The following KLHL29 variants were observed in gnomAD, a reference collection of about 807,000 sequenced individuals.
KLHL29 encodes the protein kelch like family member 29, also known as kelch-like protein 29.
KLHL29 carries 21 observed loss-of-function variants against 80.4 expected under a neutral mutation model. The observed-to-expected ratio is 0.26, with a 90% CI of 0.19 to 0.38. KLHL29 has a LOEUF of 0.38. KLHL29 is among the 10% of genes least tolerant of loss of function. KLHL29 has a pLI of 1.00. For missense variants in KLHL29, 867 were observed against 1,223.9 expected (o/e 0.71, Z 4.35); for synonymous variants, 511 against 526.8 (o/e 0.97, Z 0.41).
At chr2:23,396,807 A>G (rs1487806912) in intron 1 of KLHL29, among the ~76,000 whole-genome samples, 1 of 152,252 alleles carries the variant, frequency 6.6e-6, no homozygotes, top group Admixed American at 6.5e-5. Context: ...TGTTGTAAAA[A>G]TAAGAAGCAC....
At chr2:23,587,081 C>G (rs554673026) in intron 3 of KLHL29, among the ~76,000 whole-genome samples, 60 of 152,248 alleles carry the variant, frequency 3.9e-4, no homozygotes, top group Non-Finnish European at 7.8e-4. Context: ...GAAGAACAGG[C>G]CTTTCATGTC....
intron 1 of KLHL29, among the ~76,000 whole-genome samples, chr2:23,427,700 T>A (rs1663042322): frequency 6.6e-6 from 1 of 152,238 alleles, no homozygotes; most frequent in Admixed American, 6.5e-5. Flanking sequence ...TGGGGTCTAT[T>A]ATTGACTAAT....
At chr2:23,499,708 T>A (rs1245211113) in intron 2 of KLHL29, among the ~76,000 whole-genome samples, 1 of 152,126 alleles carries the variant, frequency 6.6e-6, no homozygotes, top group Non-Finnish European at 1.5e-5. Context: ...AAGTAAAGCA[T>A]GACTTGGAGA....
chr2:23,521,483 C>T (rs1439567306), intron 2 of KLHL29, among the ~76,000 whole-genome samples: 1 of 152,216 alleles, frequency 6.6e-6, no homozygotes, highest in Non-Finnish European at 1.5e-5. Flanking sequence ...TGCAGCCTGT[C>T]CCCTAGGTCC....
chr2:23,516,761 C>G (rs563551556), intron 2 of KLHL29, among the ~76,000 whole-genome samples: 69 of 152,394 alleles, frequency 4.5e-4, no homozygotes, highest in African/African-American at 1.4e-3. Context: ...GGGCCCTCAT[C>G]CATGCCTGCC....
intron 3 of KLHL29, among the ~76,000 whole-genome samples, chr2:23,616,010 A>C (rs899383182): frequency 6.6e-6 from 1 of 151,946 alleles, no homozygotes; most frequent in Non-Finnish European, 1.5e-5. Flanking sequence ...CCCTCCTCCT[A>C]AGGGACCCAA....
intron 1 of KLHL29, among the ~76,000 whole-genome samples, chr2:23,449,232 A>G (rs1231282679): frequency 6.6e-6 from 1 of 152,122 alleles, no homozygotes; most frequent in African/African-American, 2.4e-5. Context: ...ATGTGTCTGT[A>G]TGGTACAAGG....
intron 2 of KLHL29, among the ~76,000 whole-genome samples, chr2:23,493,633 G>A (rs532034260): frequency 2.7e-5 from 4 of 150,614 alleles, no homozygotes; most frequent in East Asian, 1.9e-4. Flanking sequence ...CGGGGTGGGC[G>A]TGTGTGTGTG....
chr2:23,666,554 T>C (rs541311514), intron 5 of KLHL29, among the ~76,000 whole-genome samples: 5 of 152,332 alleles, frequency 3.3e-5, no homozygotes, highest in African/African-American at 9.6e-5. Context: ...CTTGAAGTTA[T>C]GGAGACCATG....
intron 2 of KLHL29, among the ~76,000 whole-genome samples, chr2:23,481,444 C>T (rs1664795104): frequency 6.6e-6 from 1 of 152,246 alleles, no homozygotes; most frequent in Admixed American, 6.5e-5. Flanking sequence ...TAGAAAGGTT[C>T]CTGCTTTTCT....
intron 3 of KLHL29, among the ~76,000 whole-genome samples, chr2:23,612,993 A>C (rs1400155427): frequency 7.7e-6 from 1 of 130,112 alleles, no homozygotes; most frequent in East Asian, 2.1e-4. Context: ...AGAACAAATG[A>C]AATGAAATTA....
intron 1 of KLHL29, among the ~76,000 whole-genome samples, chr2:23,386,818 G>A (rs1415865438): frequency 6.6e-6 from 1 of 152,076 alleles, no homozygotes; most frequent in African/African-American, 2.4e-5. Context: ...TGGCTCTTAG[G>A]GCAGGTCGCC....
intron 3 of KLHL29, among the ~76,000 whole-genome samples, chr2:23,619,880 G>C (rs183093670): frequency 6.6e-6 from 1 of 152,214 alleles, no homozygotes; most frequent in South Asian, 2.1e-4. Flanking sequence ...ATAAGGCATG[G>C]TCTGTCCTCC....
intron 3 of KLHL29, among the ~76,000 whole-genome samples, chr2:23,638,077 G>T: frequency 3.1e-5 from 3 of 95,974 alleles, no homozygotes; most frequent in South Asian, 3.9e-4. Flanking sequence ...TACATATAAT[G>T]GCCATAGTAA....
intron 2 of KLHL29, among the ~76,000 whole-genome samples, chr2:23,488,717 G>A (rs1665004578): frequency 6.6e-6 from 1 of 152,192 alleles, no homozygotes; most frequent in Non-Finnish European, 1.5e-5. Context: ...AGCAGGGAGT[G>A]TCGCCTACAC....
intron 1 of KLHL29, among the ~76,000 whole-genome samples, chr2:23,418,084 G>A (rs113321153): frequency 9.2e-5 from 14 of 152,286 alleles, no homozygotes; most frequent in Non-Finnish European, 1.9e-4. Flanking sequence ...TTGTAGACAC[G>A]CTGTAAGTGT....
At chr2:23,619,793 A>C (rs1669122463) in intron 3 of KLHL29, among the ~76,000 whole-genome samples, 2 of 152,228 alleles carry the variant, frequency 1.3e-5, no homozygotes, top group African/African-American at 2.4e-5. Context: ...AGACTGCTTC[A>C]TCCCAGCCTG....
intron 2 of KLHL29, among the ~76,000 whole-genome samples, chr2:23,489,754 C>T (rs752132165): frequency 1.3e-5 from 2 of 151,486 alleles, no homozygotes; most frequent in Non-Finnish European, 2.9e-5. Context: ...GGCATGTGAA[C>T]GGATCAGCAC....
At chr2:23,514,551 G>A (rs1300661038) in intron 2 of KLHL29, among the ~76,000 whole-genome samples, 2 of 152,190 alleles carry the variant, frequency 1.3e-5, no homozygotes, top group Admixed American at 6.5e-5. Context: ...CTAGCAGCAG[G>A]GATCTAGGAA....
Sources: allele counts gnomAD v4.1 joint callset (sites outside exome capture counted in the v4.1 genomes callset), GRCh38; gene constraint gnomAD v4.1.1; transcripts MANE v1.5; gene names NCBI Gene and HGNC (gene_info 2026-07-23, HGNC 2026-07-21).